RBFOX1: variants seen among roughly 807,000 people sequenced by gnomAD.
The protein encoded by RBFOX1 is RNA binding protein fox-1 homolog 1.
Under a neutral mutation model 57.7 loss-of-function variants are expected in RBFOX1, and 8 were observed. The observed-to-expected ratio is 0.14, with a 90% CI of 0.08 to 0.25. RBFOX1 has a LOEUF of 0.25. Ranked by LOEUF, RBFOX1 falls within the 10% of genes least tolerant of loss-of-function variation. The pLI is 1.00. For synonymous variants in RBFOX1, 326 were observed against 222.4 expected, an observed-to-expected ratio of 1.47 and a Z score of -4.15; for missense variants, 611 against 548.5, an observed-to-expected ratio of 1.11 and a Z score of -1.14.
At chr16:5,872,848 C>T (rs1415245211) in intron 4 of RBFOX1, among the ~76,000 whole-genome samples, 1 of 152,190 alleles carries the variant, frequency 6.6e-6, no homozygotes, top group African/African-American at 2.4e-5. Flanking sequence ...CCTTCACTTA[C>T]ATTTGTATTA....
intron 2 of RBFOX1, among the ~76,000 whole-genome samples, chr16:5,494,485 G>A (rs1192579202): frequency 6.6e-6 from 1 of 152,228 alleles, no homozygotes. Flanking sequence ...TCTTGGGTCT[G>A]TGTCTGAGCC....
At chr16:6,767,985 A>AGAG (rs2077647920) in intron 3 of RBFOX1, among the ~76,000 whole-genome samples, 3 of 150,356 alleles carry the variant, frequency 2.0e-5, no homozygotes, top group Non-Finnish European at 3.0e-5. Flanking sequence ...AAGAAGAAGA[A>AGAG]GAAATTATGG....
At chr16:7,692,456 T>C (rs2077555363) in intron 14 of RBFOX1, among the ~76,000 whole-genome samples, 1 of 152,082 alleles carries the variant, frequency 6.6e-6, no homozygotes, top group Admixed American at 6.6e-5. Context: ...AGAAGAAAAA[T>C]GCATTTATCT....
chr16:5,442,175 T>G (rs1013423967), intron 1 of RBFOX1, among the ~76,000 whole-genome samples: 1 of 152,208 alleles, frequency 6.6e-6, no homozygotes, highest in Non-Finnish European at 1.5e-5. Flanking sequence ...GTGCCTTATC[T>G]GAGACTGGAA....
chr16:6,134,176 A>T (rs1451345436), intron 1 of RBFOX1, among the ~76,000 whole-genome samples: 1 of 152,088 alleles, frequency 6.6e-6, no homozygotes, highest in African/African-American at 2.4e-5. Context: ...ACCTCAGGTG[A>T]TCCACCCACC....
intron 4 of RBFOX1, among the ~76,000 whole-genome samples, chr16:7,273,248 TC>T (rs2095371999): frequency 7.5e-6 from 1 of 134,022 alleles, no homozygotes; most frequent in African/African-American, 2.9e-5. Context: ...CTTCCTTCCT[TC>T]CTTCCTTCCT....
rs371002303 is a variant in RBFOX1 at position 5,892,449 on chromosome 16, T to C, written c.351+25114T>C. 4.6e-5 allele frequency among the ~76,000 whole-genome samples: 7 copies of C among 152,286 alleles called. No individual in the cohort carries two copies. The South Asian group carries it at 1.5e-3, about 32-fold the overall frequency. ...CTCATCTCTAGACTAGGGGTAATGG[T>C]ACTTTAAATGGGTTAAGTGAGTTAC... On this transcript the variant is annotated intron_variant, in intron 4 of 19. Coordinates refer to the RBFOX1 transcript ENST00000641259.
intron 4 of RBFOX1, among the ~76,000 whole-genome samples, chr16:7,174,866 C>A (rs753126048): frequency 6.6e-6 from 1 of 152,150 alleles, no homozygotes; most frequent in Non-Finnish European, 1.5e-5. Context: ...CAGCAACATA[C>A]AAGCATCCAG....
At chr16:6,891,050 A>G (rs1361980738) in intron 3 of RBFOX1, among the ~76,000 whole-genome samples, 3 of 152,036 alleles carry the variant, frequency 2.0e-5, no homozygotes, top group Non-Finnish European at 4.4e-5. Context: ...ATTCCCCTTC[A>G]TGTTCCCCGT....
chr16:6,477,747 C>G (rs1036380724), intron 2 of RBFOX1, among the ~76,000 whole-genome samples: 1 of 152,156 alleles, frequency 6.6e-6, no homozygotes, highest in African/African-American at 2.4e-5. Flanking sequence ...GTTATAGATA[C>G]CATCTTCTTC....
At chr16:6,680,215 T>C (rs766029494) in intron 3 of RBFOX1, among the ~76,000 whole-genome samples, 5 of 151,550 alleles carry the variant, frequency 3.3e-5, no homozygotes, top group Non-Finnish European at 7.4e-5. Context: ...CAGTAAGTGG[T>C]CGAAGTACAA....
chr16:5,952,293 G>C (rs12709147), intron 4 of RBFOX1, among the ~76,000 whole-genome samples: 2 of 151,988 alleles, frequency 1.3e-5, no homozygotes, highest in South Asian at 4.2e-4. Flanking sequence ...TGGGATTACA[G>C]GCGTGCGCCA....
At chr16:5,420,617 C>T (rs72761004) in intron 1 of RBFOX1, among the ~76,000 whole-genome samples, 63,839 of 151,872 alleles carry the variant, frequency 0.42, 15,916 homozygotes, top group East Asian at 0.62. Flanking sequence ...TCCAGCGATC[C>T]TCCTACCTCA....
chr16:7,688,705 T>C (rs773485056), intron 14 of RBFOX1, among the ~76,000 whole-genome samples: 4 of 152,114 alleles, frequency 2.6e-5, no homozygotes, highest in African/African-American at 9.7e-5. Flanking sequence ...AGAGTATAGA[T>C]GGTTGATCTA....
intron 2 of RBFOX1, among the ~76,000 whole-genome samples, chr16:6,484,473 G>A (rs2095431453): frequency 6.6e-6 from 1 of 152,152 alleles, no homozygotes; most frequent in South Asian, 2.1e-4. Context: ...CATGGAATAA[G>A]AGTTGCCTTC....
intron 3 of RBFOX1, among the ~76,000 whole-genome samples, chr16:6,669,061 G>C (rs942811737): frequency 2.0e-5 from 3 of 152,176 alleles, no homozygotes; most frequent in African/African-American, 7.2e-5. Context: ...ACTTTAGATA[G>C]AAAGCATGCC....
chr16:6,570,083 T>G (rs1247094986), intron 2 of RBFOX1, among the ~76,000 whole-genome samples: 2 of 152,206 alleles, frequency 1.3e-5, no homozygotes. Context: ...CTTTCATGAT[T>G]GACAGTGCCG....
At chr16:6,724,276 C>A (rs9932052) in intron 3 of RBFOX1, among the ~76,000 whole-genome samples, 27,350 of 147,292 alleles carry the variant, frequency 0.19, 2,698 homozygotes, top group Admixed American at 0.22. Flanking sequence ...GTGGTGCAAT[C>A]TCTGCTGACT....
intron 4 of RBFOX1, among the ~76,000 whole-genome samples, chr16:7,133,123 G>T (rs1488882256): frequency 1.3e-5 from 2 of 152,148 alleles, no homozygotes; most frequent in Admixed American, 6.5e-5. Context: ...CATCAAAAAT[G>T]CAGGTTTTAA....
Sources: gnomAD v4.1 joint callset for allele counts (sites outside exome capture counted in the v4.1 genomes callset) on GRCh38, gnomAD v4.1.1 for gene constraint, MANE v1.5 for transcripts, NCBI Gene and HGNC (gene_info 2026-07-23, HGNC 2026-07-21) for gene names.